Variants in CSMD1 observed in about 807,000 individuals in gnomAD.
CSMD1 encodes the protein CUB and Sushi multiple domains 1.
CSMD1 carries 213 observed loss-of-function variants against 417.5 expected under a neutral mutation model. That is an observed-to-expected ratio of 0.51 (90% CI 0.46 to 0.57). CSMD1 has a LOEUF of 0.57. CSMD1 is among the 20% of genes least tolerant of loss of function. The pLI is 0.00. For missense variants in CSMD1, 6,923 were observed against 4,529.7 expected, an observed-to-expected ratio of 1.53 and a Z score of -15.17; for synonymous variants, 2,862 against 1,736.8, an observed-to-expected ratio of 1.65 and a Z score of -16.11.
intron 5 of CSMD1, among the ~76,000 whole-genome samples, chr8:3,848,908 A>G (rs1803690379): frequency 6.6e-6 from 1 of 151,284 alleles, no homozygotes; most frequent in South Asian, 2.1e-4. Flanking sequence ...ATACATATCT[A>G]GATATCATAT....
intron 5 of CSMD1, among the ~76,000 whole-genome samples, chr8:3,854,527 C>T (rs540127684): frequency 6.6e-5 from 10 of 152,150 alleles, no homozygotes; most frequent in South Asian, 2.1e-4. Context: ...CTTAACTGCA[C>T]GGGTTATGGG....
chr8:4,190,990 G>C (rs1798992928), intron 3 of CSMD1, among the ~76,000 whole-genome samples: 1 of 152,056 alleles, frequency 6.6e-6, no homozygotes, highest in Admixed American at 6.5e-5. Context: ...AGGACAAATG[G>C]ATACTAGACT....
At chr8:4,773,325 C>G (rs1796688309) in intron 1 of CSMD1, among the ~76,000 whole-genome samples, 1 of 152,138 alleles carries the variant, frequency 6.6e-6, no homozygotes, top group Non-Finnish European at 1.5e-5. Flanking sequence ...GCAGTTCTGC[C>G]TTCTAAGCTC....
At chr8:3,814,582 G>C (rs962637093) in intron 5 of CSMD1, among the ~76,000 whole-genome samples, 1 of 152,172 alleles carries the variant, frequency 6.6e-6, no homozygotes, top group African/African-American at 2.4e-5. Context: ...GCACCTAGTG[G>C]TAAGGCCATG....
chr8:4,616,897 T>C (rs185960667), intron 2 of CSMD1, among the ~76,000 whole-genome samples: 43 of 152,328 alleles, frequency 2.8e-4, no homozygotes, highest in African/African-American at 9.4e-4. Flanking sequence ...TACTCTTGCA[T>C]TGGATATTAA....
chr8:3,190,904 G>C (rs937320333), intron 33 of CSMD1, among the ~76,000 whole-genome samples: 1 of 152,202 alleles, frequency 6.6e-6, no homozygotes, highest in Non-Finnish European at 1.5e-5. Flanking sequence ...TCTATGGGGA[G>C]ATCTAAAGTA....
intron 3 of CSMD1, among the ~76,000 whole-genome samples, chr8:4,301,178 C>T (rs1388239219): frequency 6.6e-6 from 1 of 152,134 alleles, no homozygotes; most frequent in Admixed American, 6.5e-5. Context: ...CGCTCTGGGG[C>T]AGCTCTCCTG....
chr8:4,988,393 A>G (rs1811289886), intron 1 of CSMD1, among the ~76,000 whole-genome samples: 2 of 152,242 alleles, frequency 1.3e-5, no homozygotes, highest in African/African-American at 2.4e-5. Context: ...GATTTCAACC[A>G]GTAAATTGCA....
chr8:4,446,952 A>G (rs943816103), intron 2 of CSMD1, among the ~76,000 whole-genome samples: 1 of 149,644 alleles, frequency 6.7e-6, no homozygotes, highest in African/African-American at 2.5e-5. Context: ...AAAAAAAAAC[A>G]TTGGCCCTAC....
At chr8:4,634,054 T>A (rs896437438) in intron 2 of CSMD1, among the ~76,000 whole-genome samples, 2 of 151,898 alleles carry the variant, frequency 1.3e-5, no homozygotes, top group Admixed American at 6.6e-5. Context: ...AAGATCAGAT[T>A]TTTCATTTTG....
chr8:4,074,844 G>C (rs1045745680), intron 3 of CSMD1, among the ~76,000 whole-genome samples: 3 of 152,068 alleles, frequency 2.0e-5, no homozygotes, highest in African/African-American at 4.8e-5. Context: ...AGAATTTTCT[G>C]AGTTTTTTTT....
intron 5 of CSMD1, among the ~76,000 whole-genome samples, chr8:3,757,335 T>C (rs1447115942): frequency 1.3e-5 from 2 of 152,246 alleles, no homozygotes; most frequent in Non-Finnish European, 2.9e-5. Flanking sequence ...TGTTCAACTT[T>C]GCAGGTGTAG....
At chr8:3,914,491 G>C (rs1001472626) in intron 5 of CSMD1, among the ~76,000 whole-genome samples, 3 of 152,200 alleles carry the variant, frequency 2.0e-5, no homozygotes, top group African/African-American at 4.8e-5. Flanking sequence ...AGGACAGTGT[G>C]TGTGCAATCT....
At chr8:4,653,828 G>C (rs1025015901) in intron 1 of CSMD1, among the ~76,000 whole-genome samples, 2 of 152,128 alleles carry the variant, frequency 1.3e-5, no homozygotes, top group African/African-American at 2.4e-5. Context: ...TCTTTATCAA[G>C]TGCCATGCTT....
At chr8:3,116,072 A>C (rs1402375910) in intron 42 of CSMD1, among the ~76,000 whole-genome samples, 3 of 152,228 alleles carry the variant, frequency 2.0e-5, no homozygotes, top group Admixed American at 6.5e-5. Context: ...GCGTTTGAAC[A>C]GCCTCCGCAT....
intron 3 of CSMD1, among the ~76,000 whole-genome samples, chr8:4,326,629 A>G (rs185163874): frequency 6.0e-4 from 91 of 152,318 alleles, no homozygotes; most frequent in African/African-American, 2.0e-3. Flanking sequence ...CTCAGAACAT[A>G]TAGGATAAAA....
At chr8:4,281,052 C>G (rs891214308) in intron 3 of CSMD1, among the ~76,000 whole-genome samples, 1 of 152,162 alleles carries the variant, frequency 6.6e-6, no homozygotes, top group Non-Finnish European at 1.5e-5. Flanking sequence ...TCTCTGGCTT[C>G]ATGTGTTCAC....
intron 3 of CSMD1, among the ~76,000 whole-genome samples, chr8:4,140,557 A>G (rs1436250783): frequency 2.6e-5 from 4 of 151,058 alleles, no homozygotes; most frequent in Non-Finnish European, 5.9e-5. Context: ...AGTCTCAGCT[A>G]CTAGGGAGGC....
chr8:4,034,261 G>C (rs965469607), intron 3 of CSMD1, among the ~76,000 whole-genome samples: 1 of 152,006 alleles, frequency 6.6e-6, no homozygotes, highest in Non-Finnish European at 1.5e-5. Flanking sequence ...AAATATTTAG[G>C]AAATAAATAC....
Sources: gnomAD v4.1 joint callset for allele counts (sites outside exome capture counted in the v4.1 genomes callset) on GRCh38, gnomAD v4.1.1 for gene constraint, MANE v1.5 for transcripts, NCBI Gene and HGNC (gene_info 2026-07-23, HGNC 2026-07-21) for gene names.